The following PDE6A variants were observed in gnomAD, a reference collection of about 807,000 sequenced individuals.
PDE6A encodes phosphodiesterase 6A.
PDE6A carries 84 observed loss-of-function variants against 106.3 expected under a neutral mutation model. The observed-to-expected ratio is 0.79, with a 90% confidence interval of 0.66 to 0.95. PDE6A has a LOEUF of 0.95. Among genes scored for constraint, PDE6A ranks in the 40% least tolerant of loss-of-function variants. The pLI is 0.00. For synonymous variants in PDE6A, 394 were observed against 386.6 expected (o/e 1.02, Z -0.23); for missense variants, 1,052 against 1,084.9 (o/e 0.97, Z 0.43).
intron 17 of PDE6A, 31 bp from the exon 18 acceptor site, chr5:149,868,189 A>G (rs1760403404): frequency 6.2e-7 from 1 of 1,604,876 alleles, no homozygotes; most frequent in African/African-American, 1.3e-5. Context: ...CTATCAGTCC[A>G]GGGCCATTTA....
chr5:149,935,745 G>C (rs925754462), intron 1 of PDE6A, among the ~76,000 whole-genome samples: 22 of 152,334 alleles, frequency 1.4e-4, no homozygotes, highest in Admixed American at 3.9e-4. Flanking sequence ...GTAGCACTGT[G>C]AGGTTTTTGG....
At chr5:149,868,012 C>T (rs1444752557) in intron 18 of PDE6A, 83 bp downstream of exon 18, 1 of 1,373,310 alleles carries the variant, frequency 7.3e-7, no homozygotes, top group African/African-American at 1.4e-5. Context: ...GGTTCTGGAG[C>T]TGGGCTGAGA....
chr5:149,871,827 T>C (rs1275225385), intron 17 of PDE6A, among the ~76,000 whole-genome samples: 2 of 152,100 alleles, frequency 1.3e-5, no homozygotes, highest in East Asian at 3.8e-4. Flanking sequence ...GGAACCCAGT[T>C]AGGAAGCCAC....
intron 17 of PDE6A, 118 bp from the exon 18 acceptor site, chr5:149,868,276 A>G (rs769927442): frequency 2.0e-5 from 20 of 980,060 alleles, no homozygotes; most frequent in Non-Finnish European, 3.2e-5. Context: ...TCTCATTGTG[A>G]GGAAAGGGCT....
At position 149,934,689 on chromosome 5, in the gene PDE6A, G is replaced by C. The variant is rs1217082211; in HGVS notation, c.504C>G (p.Ile168Met). ...TGTTCTTGGTCTTGTACTCTGTGAG[G>C]ATGTCCACAAAGTCACAGAAATGCT... ...EDEHFCDFVD[I>M]LTEYKTKNIL... The change falls in exon 2 of 22, where the codon ATC (isoleucine) becomes ATG (methionine). Residue 168 changes from isoleucine (I) to methionine (M), a missense_variant. Coordinates refer to ENST00000255266, the MANE Select transcript of PDE6A (RefSeq NM_000440.3). The C allele has an allele frequency of 3.5e-5, 57 of 1,613,952 alleles. No individual in the cohort carries two copies. Among genetic ancestry groups the C allele is most frequent in the Non-Finnish European group, 4.7e-5 (56 of 1,179,996 alleles).
chr5:149,932,805 G>T, intron 3 of PDE6A: 1 of 767,274 alleles, frequency 1.3e-6, no homozygotes, highest in East Asian at 2.7e-5. Context: ...GCTGGATTGA[G>T]AGACACTTTT....
At chr5:149,921,737 T>A (rs1471301895) in intron 4 of PDE6A, 28 bp from the exon 5 acceptor site, 2 of 1,578,968 alleles carry the variant, frequency 1.3e-6, no homozygotes, top group South Asian at 2.2e-5. Context: ...AATAATTACA[T>A]GTTTTGAAAA....
At chr5:149,908,695 A>G (rs1272263345) in intron 6 of PDE6A, among the ~76,000 whole-genome samples, 4 of 150,136 alleles carry the variant, frequency 2.7e-5, no homozygotes, top group Admixed American at 7.2e-5. Context: ...TGTTCCTTAA[A>G]TACTACTTTT....
intron 7 of PDE6A, among the ~76,000 whole-genome samples, chr5:149,904,770 C>T (rs532836643): frequency 9.9e-5 from 15 of 152,038 alleles, no homozygotes; most frequent in Non-Finnish European, 2.2e-4. Flanking sequence ...CTATCAGTTA[C>T]TATCATTGTC....
intron 13 of PDE6A, among the ~76,000 whole-genome samples, chr5:149,890,812 CA>C (rs1188680915): frequency 6.6e-6 from 1 of 152,054 alleles, no homozygotes; most frequent in Non-Finnish European, 1.5e-5. Context: ...CAGTATTAAG[CA>C]GAATAAAAAA....
chr5:149,876,055 C>T (rs1760727506), intron 17 of PDE6A, among the ~76,000 whole-genome samples: 1 of 152,076 alleles, frequency 6.6e-6, no homozygotes, highest in Non-Finnish European at 1.5e-5. Flanking sequence ...TTCATAATTA[C>T]TTGCAATCAA....
At chr5:149,897,824 C>T (rs1317563706) in intron 10 of PDE6A, among the ~76,000 whole-genome samples, 2 of 152,010 alleles carry the variant, frequency 1.3e-5, no homozygotes, top group Non-Finnish European at 2.9e-5. Flanking sequence ...TGGGCTCAAG[C>T]GATCTGACCA....
At chr5:149,914,000 G>A (rs1302292580) in intron 6 of PDE6A, among the ~76,000 whole-genome samples, 1 of 152,196 alleles carries the variant, frequency 6.6e-6, no homozygotes, top group African/African-American at 2.4e-5. Context: ...TGTGGGGGCT[G>A]AGTCAGTTCC....
chr5:149,942,126 G>A (rs1295138631), intron 1 of PDE6A, among the ~76,000 whole-genome samples: 1 of 151,462 alleles, frequency 6.6e-6, no homozygotes, highest in African/African-American at 2.4e-5. Context: ...CACACCCAGC[G>A]AGTTTTTTTA....
chr5:149,882,060 A>G (rs1261042614), intron 17 of PDE6A, among the ~76,000 whole-genome samples: 1 of 78,560 alleles, frequency 1.3e-5, no homozygotes, highest in Admixed American at 1.8e-4. Flanking sequence ...AAAAATAAAT[A>G]AATAAATAAA....
rs191620560 is a variant in PDE6A at position 149,869,814 on chromosome 5, C to T, written c.2136-1656G>A. Among the ~76,000 whole-genome samples the T allele has an allele frequency of 2.3e-4, 35 of 152,154 alleles. No individual in the cohort carries two copies. In the East Asian group the frequency reaches 3.9e-3, roughly 17 times the overall value. On this transcript the variant is annotated intron_variant, in intron 17 of 21. Transcript: ENST00000255266. ...GGTCTGCAGCAACGGCTGGCTGCGG[C>T]GGGGTGAGACCAATGGGCAGGAACT...
chr5:149,861,018 A>C (rs747957450), intron 21 of PDE6A, 47 bp from the exon 22 acceptor site: 1 of 1,553,852 alleles, frequency 6.4e-7, no homozygotes, highest in African/African-American at 1.4e-5. Flanking sequence ...AAGAGGCTGC[A>C]GTGGGCTTCC....
chr5:149,884,684 A>G, intron 15 of PDE6A, 96 bp downstream of exon 15: 3 of 1,442,924 alleles, frequency 2.1e-6, no homozygotes, highest in Non-Finnish European at 2.9e-6. Flanking sequence ...GCCCAGGCCA[A>G]TGGGAAGAAT....
chr5:149,923,664 G>C (rs1202996556), intron 4 of PDE6A, among the ~76,000 whole-genome samples: 1 of 152,126 alleles, frequency 6.6e-6, no homozygotes, highest in Non-Finnish European at 1.5e-5. Flanking sequence ...CAGTCATGCA[G>C]CCTCAGGAGA....
Sources: allele counts gnomAD v4.1 joint callset (sites outside exome capture counted in the v4.1 genomes callset), GRCh38; gene constraint gnomAD v4.1.1; transcripts MANE v1.5; gene names NCBI Gene and HGNC (gene_info 2026-07-23, HGNC 2026-07-21).